Variants in TBC1D1 observed in about 807,000 individuals in gnomAD.
TBC1D1 encodes the protein TBC1 domain family member 1, also known as TBC1 (tre-2/USP6, BUB2, cdc16) domain family, member 1.
Under a neutral mutation model 125.6 loss-of-function variants are expected in TBC1D1, and 89 were observed. The ratio of observed to expected loss-of-function variants is 0.71; its 90% CI spans 0.60 to 0.85. The LOEUF is 0.85. TBC1D1 is among the 40% of genes least tolerant of loss of function. The pLI, the probability that TBC1D1 is intolerant of heterozygous loss-of-function variation, is 0.00. For missense variants in TBC1D1, 1,377 were observed against 1,469.2 expected (o/e 0.94, Z 1.03); for synonymous variants, 565 against 564.1 (o/e 1.00, Z -0.02).
chr4:37,948,747 C>T (rs1357321973), intron 2 of TBC1D1, among the ~76,000 whole-genome samples: 3 of 152,094 alleles, frequency 2.0e-5, no homozygotes, highest in Non-Finnish European at 4.4e-5. Flanking sequence ...CCCCAAAAAA[C>T]CTGTACGTAT....
intron 12 of TBC1D1, among the ~76,000 whole-genome samples, chr4:38,074,211 A>G (rs548649589): frequency 6.6e-6 from 1 of 152,288 alleles, no homozygotes; most frequent in South Asian, 2.1e-4. Flanking sequence ...CTAACCAACC[A>G]TACTGAAAAG....
At position 38,032,941 on chromosome 4, in the gene TBC1D1, T is replaced by A. The variant is rs143251137; in HGVS notation, c.1303-2647T>A. 3.0e-3 allele frequency among the ~76,000 whole-genome samples: 460 copies of A among 152,336 alleles called. 1 individual carries two copies. The highest frequency in any genetic ancestry group is 6.6e-3 in the Admixed American group (101 of 15,298). ...TAGGGAGGTGACACCTCACTAATTGTATTTCAGAATTACATTAAGGAAAGA... is the reference window on the plus strand; with the variant it reads ...TAGGGAGGTGACACCTCACTAATTGAATTTCAGAATTACATTAAGGAAAGA... On this transcript the variant is annotated intron_variant, in intron 7 of 19. Transcript: ENST00000261439.
intron 12 of TBC1D1, among the ~76,000 whole-genome samples, chr4:38,065,187 G>C (rs1298586639): frequency 6.6e-6 from 1 of 151,980 alleles, no homozygotes; most frequent in East Asian, 1.9e-4. Flanking sequence ...GCCTCAAGAG[G>C]CCAATCCGCC....
Position 38,021,635 on chromosome 4 carries a change from T to A in TBC1D1, c.1127T>A (p.Val376Glu). The stretch of plus-strand genomic sequence containing the variant: ...AAACAGGCCTTCACGGTGGCCGCAG[T>A]GCAGCAGACAGCTAAGGCGCCAGCC... The change falls in exon 6 of 20, where the codon GTG becomes GAG. Residue 376 changes from valine to glutamate, a missense_variant. Val to Glu is a moderately radical substitution (Grantham distance 121). Around this residue, in one of 3 missense-constraint regions of TBC1D1, gnomAD observed 822 missense variants for 824.6 expected, o/e 1.00. Transcript: ENST00000261439. 6.3e-7 allele frequency: 1 copy of A among 1,596,400 alleles called. No individual in the cohort carries two copies. Among genetic ancestry groups the A allele is most frequent in the Non-Finnish European group, 8.5e-7 (1 of 1,172,196 alleles).
chr4:37,929,041 G>A (rs370243071), intron 2 of TBC1D1, among the ~76,000 whole-genome samples: 21 of 152,196 alleles, frequency 1.4e-4, no homozygotes, highest in African/African-American at 4.6e-4. Flanking sequence ...GTCCCTCTTT[G>A]TTGGTGCTCT....
At chr4:37,897,920 T>C (rs1237055881) in intron 1 of TBC1D1, among the ~76,000 whole-genome samples, 2 of 152,318 alleles carry the variant, frequency 1.3e-5, no homozygotes, top group Non-Finnish European at 1.5e-5. Context: ...CCGTTTTCAT[T>C]ATTAGGAGAA....
rs767345485 is a variant in TBC1D1, at chr4:38,137,288, A to G, written c.3460A>G (p.Ser1154Gly). Residue 1154 changes from serine (S) to glycine (G), a missense_variant, in exon 20 of 20, where the codon AGC becomes GGC. Coordinates refer to ENST00000261439, the MANE Select transcript of TBC1D1 (RefSeq NM_015173.4). ...GCTGCGGCGGCGGAGCGCAGAGCCC[A>G]GCGACCGGGAGCCTGAGTGCACGCA... The G allele has an allele frequency of 1.9e-6, 3 of 1,611,336 alleles. No homozygotes were observed. Among genetic ancestry groups the G allele is most frequent in the Non-Finnish European group, 1.7e-6 (2 of 1,179,844 alleles).
chr4:38,001,093 ACC>A (rs1738971942), intron 2 of TBC1D1, among the ~76,000 whole-genome samples: 1 of 151,884 alleles, frequency 6.6e-6, no homozygotes, highest in African/African-American at 2.4e-5. Context: ...GGTGGCGGGC[ACC>A]TGTAGTCCCA....
rs567501979 is a variant in TBC1D1 at position 38,133,143 on chromosome 4, T to G, written c.3192T>G (p.Leu1064=). The G allele has an allele frequency of 6.2e-7, 1 of 1,614,164 alleles. No individual in the cohort carries two copies. The highest frequency in any genetic ancestry group is 1.1e-5 in the South Asian group (1 of 91,084). ...CTTATGAAGTTGAGTACCACGTCCT[T>G]CAAGAAGAACTTATCGATTCCTCTC... The change falls in exon 19 of 20, where the codon CTT becomes CTG. Residue 1064 remains leucine (L), a synonymous_variant. Transcript: ENST00000261439.
At chr4:38,096,897 T>A (rs1234840913) in intron 14 of TBC1D1, among the ~76,000 whole-genome samples, 1 of 152,112 alleles carries the variant, frequency 6.6e-6, no homozygotes, top group Non-Finnish European at 1.5e-5. Flanking sequence ...AGAAAAAAAA[T>A]TGATGCTTCA....
At chr4:38,056,988 A>C (rs982584624) in intron 12 of TBC1D1, among the ~76,000 whole-genome samples, 1 of 152,188 alleles carries the variant, frequency 6.6e-6, no homozygotes, top group African/African-American at 2.4e-5. Context: ...TGTGCCTTTA[A>C]GTAATGGCTA....
chr4:37,960,565 G>A (rs6811863), intron 2 of TBC1D1: 25 of 1,613,784 alleles, frequency 1.5e-5, no homozygotes, highest in Non-Finnish European at 2.0e-5. Flanking sequence ...GTTTTAACAC[G>A]ACGTTTTGGC....
At chr4:38,043,944 A>G (rs1348763257) in intron 8 of TBC1D1, among the ~76,000 whole-genome samples, 1 of 152,218 alleles carries the variant, frequency 6.6e-6, no homozygotes, top group Non-Finnish European at 1.5e-5. Context: ...GCTGTGTTCA[A>G]TGTTTTACAC....
At position 38,133,195 on chromosome 4, in the gene TBC1D1, A is replaced by T; in HGVS notation, c.3244A>T (p.Lys1082Ter). ...TCTCAGTGACAACCAAAGAATGGAT[A>T]AATTAGAGAAAACCAACAGCAGCTT... The change falls in exon 19 of 20, where the codon AAA becomes TAA. Residue 1082 changes from lysine to a stop codon, truncating the protein, a stop_gained. Coordinates refer to ENST00000261439, the MANE Select transcript of TBC1D1 (RefSeq NM_015173.4). LOFTEE classifies it high-confidence loss of function. The T allele has an allele frequency of 6.2e-7, 1 of 1,614,228 alleles. No homozygotes were observed. Among genetic ancestry groups the T allele is most frequent in the Non-Finnish European group, 8.5e-7 (1 of 1,180,030 alleles).
intron 2 of TBC1D1, among the ~76,000 whole-genome samples, chr4:37,963,153 T>G (rs1730373660): frequency 6.6e-6 from 1 of 152,248 alleles, no homozygotes; most frequent in Admixed American, 6.5e-5. Context: ...ATTTTTAAAC[T>G]GACTCACAAA....
At chr4:37,969,675 A>G (rs1420654464) in intron 2 of TBC1D1, among the ~76,000 whole-genome samples, 1 of 152,252 alleles carries the variant, frequency 6.6e-6, no homozygotes, top group African/African-American at 2.4e-5. Context: ...TGTGGGATCC[A>G]TTATTACAAA....
At chr4:38,048,467 T>C (rs997430783) in intron 10 of TBC1D1, among the ~76,000 whole-genome samples, 2 of 152,144 alleles carry the variant, frequency 1.3e-5, no homozygotes, top group African/African-American at 4.8e-5. Context: ...CAATATTTCA[T>C]AGTATGTTGG....
intron 12 of TBC1D1, among the ~76,000 whole-genome samples, chr4:38,068,464 G>T (rs1300015840): frequency 6.6e-6 from 1 of 151,974 alleles, no homozygotes; most frequent in Admixed American, 6.6e-5. Flanking sequence ...ATCCTCTCAG[G>T]CCACTTGGAT....
chr4:37,928,439 G>A (rs972579074), intron 2 of TBC1D1, among the ~76,000 whole-genome samples: 3 of 148,742 alleles, frequency 2.0e-5, no homozygotes, highest in African/African-American at 7.3e-5. Context: ...CAAGGTAAGT[G>A]TAGTAAATAG....
Sources: gnomAD v4.1 joint callset for allele counts (sites outside exome capture counted in the v4.1 genomes callset) on GRCh38, gnomAD v4.1.1 for gene constraint, gnomAD v4.1.1 regional missense constraint, MANE v1.5 for transcripts, NCBI Gene and HGNC (gene_info 2026-07-23, HGNC 2026-07-21) for gene names.